Variants in ITPRIPL1 observed in about 807,000 individuals in gnomAD.
ITPRIPL1 encodes the protein inositol 1,4,5-trisphosphate receptor-interacting protein-like 1.
ITPRIPL1 carries 28 observed loss-of-function variants against 40.0 expected under a neutral mutation model. The ratio of observed to expected loss-of-function variants is 0.70; its 90% confidence interval spans 0.52 to 0.96. ITPRIPL1 has a LOEUF of 0.96. Among genes scored for constraint, ITPRIPL1 ranks in the 40% least tolerant of loss-of-function variants. The pLI, the probability that ITPRIPL1 is intolerant of heterozygous loss-of-function variation, is 0.00. For synonymous variants in ITPRIPL1, 251 were observed against 275.7 expected, an observed-to-expected ratio of 0.91 and a Z score of 0.89; for missense variants, 638 against 698.0, an observed-to-expected ratio of 0.91 and a Z score of 0.97.
intron 1 of ITPRIPL1, 21 bp downstream of exon 1, chr2:96,325,586 T>G (rs2064098307): frequency 1.7e-6 from 1 of 585,898 alleles, no homozygotes; most frequent in Admixed American, 3.0e-5. Context: ...TGGCCCTGGG[T>G]CCCGGGAGAC....
At position 96,327,798 on chromosome 2, in the gene ITPRIPL1, C is replaced by T. The variant is rs780436364; in HGVS notation, c.1167C>T (p.Leu389=). The change falls in exon 3 of 3, where the codon CTC becomes CTT. Residue 389 remains leucine, a synonymous_variant. Coordinates refer to ENST00000439118, the MANE Select transcript of ITPRIPL1 (RefSeq NM_001008949.3). ...LVSQAPDQEQ[L]TSVDWPESFV... The stretch of plus-strand genomic sequence containing the variant: ...GTCAGGCTCCTGACCAGGAGCAGCT[C>T]ACCAGTGTGGACTGGCCTGAGTCCT... 6.2e-7 allele frequency: 1 copy of T among 1,614,172 alleles called. No homozygotes were observed. Among genetic ancestry groups the T allele is most frequent in the South Asian group, 1.1e-5 (1 of 91,078 alleles).
chr2:96,329,495 T>G (rs1338286319), downstream of ITPRIPL1: 1 of 151,492 alleles, frequency 6.6e-6, no homozygotes, highest in East Asian at 1.9e-4. Context: ...ACTTGTTGAG[T>G]GTAAAGAAGG....
At chr2:96,326,586 A>AC in intron 2 of ITPRIPL1, 56 bp from the exon 3 acceptor site, 1 of 1,610,402 alleles carries the variant, frequency 6.2e-7, no homozygotes, top group Non-Finnish European at 8.5e-7. Flanking sequence ...AATGTGAGCT[A>AC]GAGAGCAGAT....
rs371232545 is a variant in ITPRIPL1 at position 96,327,833 on chromosome 2, G to A, written c.1202G>A (p.Cys401Tyr). 1.2e-6 allele frequency: 2 copies of A among 1,614,144 alleles called. No homozygotes were observed. Among genetic ancestry groups the A allele is most frequent in the Non-Finnish European group, 1.7e-6 (2 of 1,180,032 alleles). The part of the protein sequence containing the change: ...SVDWPESFVA[C>Y]EHLFLKLVGR... ...GACTGGCCTGAGTCCTTTGTGGCCT[G>A]TGAGCACCTGTTCCTGAAGCTGGTG... The change falls in exon 3 of 3, where the codon TGT (cysteine) becomes TAT (tyrosine). Residue 401 changes from cysteine (C) to tyrosine (Y), a missense_variant. By Grantham distance (194) the Cys-to-Tyr change is radical. Transcript: ENST00000439118.
At position 96,327,035 on chromosome 2, in the gene ITPRIPL1, C is replaced by T. The variant is rs540022798; in HGVS notation, c.404C>T (p.Pro135Leu). 1.2e-5 allele frequency: 19 copies of T among 1,614,186 alleles called. No individual in the cohort carries two copies. In the East Asian group the frequency reaches 2.5e-4, roughly 21 times the overall value. Residue 135 changes from proline (P) to leucine (L), a missense_variant, in exon 3 of 3, where the codon CCG becomes CTG. Pro to Leu is a moderately conservative substitution (Grantham distance 98). Transcript: ENST00000439118. ...ELLRQNMQHE[P>L]AFDSSSEEEE... ...CTGCGACAGAACATGCAGCATGAAC[C>T]GGCCTTTGATTCCAGCAGTGAGGAG...
chr2:96,327,611 G>C lies in ITPRIPL1; in HGVS notation c.980G>C (p.Gly327Ala). The C allele has an allele frequency of 6.2e-7, 1 of 1,609,336 alleles. No individual in the cohort carries two copies. ...KTVQWFRNMM[G>A]NAWALVAHKY... ...GTGCAGTGGTTCCGGAACATGATGG[G>C]CAATGCCTGGGCCCTTGTGGCCCAC... Residue 327 changes from glycine (G) to alanine (A), a missense_variant, in exon 3 of 3, where the codon GGC becomes GCC. By Grantham distance (60) the Gly-to-Ala change is moderately conservative (BLOSUM62 0). Coordinates refer to ENST00000439118, the MANE Select transcript of ITPRIPL1 (RefSeq NM_001008949.3).
Position 96,327,880 on chromosome 2 carries a change from A to T in ITPRIPL1, c.1249A>T (p.Thr417Ser), listed in dbSNP as rs758269052. 3.7e-6 allele frequency: 6 copies of T among 1,613,808 alleles called. No individual in the cohort carries two copies. Among genetic ancestry groups the T allele is most frequent in the Admixed American group, 1.7e-5 (1 of 60,000 alleles). ...KLVGRFAPEN[T>S]CHLKCLQIIL... The stretch of plus-strand genomic sequence containing the variant: ...GGTGGGGCGCTTTGCCCCCGAGAAC[A>T]CCTGTCACCTCAAGTGCCTCCAGAT... The change falls in exon 3 of 3, where the codon ACC becomes TCC. Residue 417 changes from threonine (T) to serine (S), a missense_variant. Transcript: ENST00000439118.
Position 96,327,710 on chromosome 2 carries a change from G to A in ITPRIPL1, c.1079G>A (p.Arg360His), listed in dbSNP as rs749111407. ...CTCCGGCTGGACTATCGCTCAGGCC[G>A]CTTTCTCTCAATCCACTTGGTCCTG... is the stretch of plus-strand genomic sequence containing the variant. Reference protein sequence around the residue: ...CKLRLDYRSGRFLSIHLVLGV... With the variant: ...CKLRLDYRSGHFLSIHLVLGV... Residue 360 changes from arginine to histidine, a missense_variant, in exon 3 of 3, where the codon CGC (arginine) becomes CAC (histidine). Coordinates refer to ENST00000439118, the MANE Select transcript of ITPRIPL1 (RefSeq NM_001008949.3). 4.3e-6 allele frequency: 7 copies of A among 1,612,930 alleles called. No individual in the cohort carries two copies. The highest frequency in any genetic ancestry group is 1.7e-4 in the Middle Eastern group (1 of 6,052).
At chr2:96,328,359 G>A, downstream of ITPRIPL1, 5 of 1,518,418 alleles carry the variant, frequency 3.3e-6, no homozygotes, top group South Asian at 1.3e-5. Context: ...GGCTACAAAA[G>A]TGTTTACTTT....
Position 96,326,171 on chromosome 2 carries a change from A to T in ITPRIPL1, c.10+322A>T, listed in dbSNP as rs1245579318. ...CAGAATGAAGACTGTGAAGTCACAG[A>T]GGAAGTGGAATGCTACAACTGGCTG... On this transcript the variant is annotated intron_variant, in intron 2 of 2. Transcript: ENST00000439118. 8.8e-6 allele frequency: 13 copies of T among 1,474,658 alleles called. No homozygotes were observed. The East Asian group carries it at 3.7e-4, about 42-fold the overall frequency. 91.3% of individuals were successfully genotyped at this position (1,474,658 alleles called of 1,614,324 possible).
chr2:96,325,922 G>A (rs2064102246), intron 2 of ITPRIPL1, 73 bp downstream of exon 2: 2 of 1,533,808 alleles, frequency 1.3e-6, no homozygotes, highest in Non-Finnish European at 1.8e-6. Flanking sequence ...GGAGGCAGTG[G>A]AACTGACCAC....
chr2:96,325,596 C>T (rs1430514719), intron 1 of ITPRIPL1, 31 bp downstream of exon 1: 1 of 591,134 alleles, frequency 1.7e-6, no homozygotes, highest in Non-Finnish European at 3.0e-6. Context: ...TCCCGGGAGA[C>T]ATCCCGAGGT....
chr2:96,325,477 G>A lies in ITPRIPL1; in HGVS notation c.-182G>A. 2.8e-6 allele frequency: 1 copy of A among 359,752 alleles called. No individual in the cohort carries two copies. The highest frequency in any genetic ancestry group is 5.2e-6 in the Non-Finnish European group (1 of 191,842). 22.3% of individuals were successfully genotyped at this position (359,752 alleles called of 1,614,324 possible). A position where few individuals can be genotyped will look rare whatever the true frequency, so the allele number is the denominator to read the frequency against. ...CACTCCCGCGGGCGGCCCCAGCGAT[G>A]AACCGGACGCCCCCACCCTGCCGGG... On this transcript the variant is annotated 5_prime_UTR_variant, in exon 1 of 3. The change abolishes an upstream ATG in the 5' untranslated region. Transcript: ENST00000439118.
At chr2:96,329,624 G>T (rs983477744), downstream of ITPRIPL1, 2 of 151,136 alleles carry the variant, frequency 1.3e-5, no homozygotes, top group African/African-American at 4.9e-5. Flanking sequence ...TTTTGAAAGA[G>T]AGGTCATCAC....
In ITPRIPL1 at chr2:96,325,390, T is replaced by C. The variant is rs2104385023; in HGVS notation, c.-269T>C. On this transcript the variant is annotated 5_prime_UTR_variant, in exon 1 of 3. Transcript: ENST00000439118. ...TGGGGGTCGTAGGGGCCCACCGCGC[T>C]CAGCCAGACGTTCAGACGCTCGGAC... The C allele has an allele frequency of 6.2e-6, 1 of 160,672 alleles. No individual in the cohort carries two copies. Among genetic ancestry groups the C allele is most frequent in the Admixed American group, 6.1e-5 (1 of 16,288 alleles). 10.0% of individuals were successfully genotyped at this position (160,672 alleles called of 1,614,324 possible).
chr2:96,327,859 G>C lies in ITPRIPL1; in HGVS notation c.1228G>C (p.Gly410Arg), dbSNP rs1200775631. The C allele has an allele frequency of 1.9e-6, 3 of 1,613,996 alleles. No homozygotes were observed. The highest frequency in any genetic ancestry group is 2.5e-6 in the Non-Finnish European group (3 of 1,180,012). Reference sequence around the variant, plus strand: ...TGAGCACCTGTTCCTGAAGCTGGTGGGGCGCTTTGCCCCCGAGAACACCTG... The same window carrying C: ...TGAGCACCTGTTCCTGAAGCTGGTGCGGCGCTTTGCCCCCGAGAACACCTG... ...ACEHLFLKLV[G>R]RFAPENTCHL... The change falls in exon 3 of 3, where the codon GGG becomes CGG. Residue 410 changes from glycine (G) to arginine (R), a missense_variant. Coordinates refer to ENST00000439118, the MANE Select transcript of ITPRIPL1 (RefSeq NM_001008949.3).
chr2:96,326,844 GGCAGAGAA>G lies in ITPRIPL1; in HGVS notation c.214_221del (p.Ala72LeufsTer9). ...AGCGAGCCGCTGAGCAGAGGCAGAA[GGCAGAGAA>G]CTTCTGGACAGGAGACACATCCAGT... On this transcript the variant is annotated frameshift_variant, in exon 3 of 3. Transcript: ENST00000439118. LOFTEE classifies it high-confidence loss of function. 1 of 1,614,226 alleles carries G rather than the reference GGCAGAGAA, an allele frequency of 6.2e-7. No homozygotes were observed. The highest frequency in any genetic ancestry group is 8.5e-7 in the Non-Finnish European group (1 of 1,180,048).
rs748626349 is a variant in ITPRIPL1 at position 96,325,797 on chromosome 2, G to A, written c.-43G>A. 28 of 1,611,940 alleles carry A rather than the reference G, an allele frequency of 1.7e-5. No homozygotes were observed. The highest frequency in any genetic ancestry group is 5.0e-5 in the Admixed American group (3 of 59,998). On this transcript the variant is annotated 5_prime_UTR_variant, in exon 2 of 3. Transcript: ENST00000439118. ...AAGCAAGGCCAAGTTCCAAAGGGAGGATAGGCCCAGCTGGCTTCAGCGTCC... is the reference window on the plus strand; with the variant it reads ...AAGCAAGGCCAAGTTCCAAAGGGAGAATAGGCCCAGCTGGCTTCAGCGTCC...
rs2064134164 is a variant in ITPRIPL1, at chr2:96,328,083, C to A, written c.1452C>A (p.Gly484=). The A allele has an allele frequency of 6.2e-7, 1 of 1,614,054 alleles. No homozygotes were observed. Among genetic ancestry groups the A allele is most frequent in the Non-Finnish European group, 8.5e-7 (1 of 1,180,048 alleles). Residue 484 remains glycine, a synonymous_variant, in exon 3 of 3, where the codon GGC becomes GGA. Transcript: ENST00000439118. ...ACATTCTCTGGTTCTTGGGCCGTGG[C>A]CTCCAGCAAAGGTCCCTCCATCATT... ...LQDILWFLGR[G]LQQRSLHHFL...
Sources: gnomAD v4.1 joint callset for allele counts on GRCh38, gnomAD v4.1.1 for gene constraint, MANE v1.5 for transcripts, NCBI Gene and HGNC (gene_info 2026-07-23, HGNC 2026-07-21) for gene names.